NPSR1: variants seen among roughly 807,000 people sequenced by gnomAD.
NPSR1 encodes the protein neuropeptide S receptor.
In NPSR1, 48 loss-of-function variants were observed where a neutral mutation model predicts 46.9. The ratio of observed to expected loss-of-function variants is 1.02; its 90% CI spans 0.81 to 1.30. The LOEUF is 1.30. Ranked by LOEUF, NPSR1 falls within the 50% of genes most tolerant of loss-of-function variation. NPSR1 has a pLI of 0.00. For synonymous variants in NPSR1, 176 were observed against 168.1 expected, an observed-to-expected ratio of 1.05 and a Z score of -0.36; for missense variants, 450 against 449.5, an observed-to-expected ratio of 1.00 and a Z score of -0.01.
At chr7:34,683,171 C>T (rs533504462) in intron 1 of NPSR1, among the ~76,000 whole-genome samples, 4 of 152,198 alleles carry the variant, frequency 2.6e-5, no homozygotes, top group Non-Finnish European at 4.4e-5. Context: ...AGGCCAGGTG[C>T]GGTGGCTCAC....
At chr7:34,679,037 A>T (rs1481559680) in intron 1 of NPSR1, among the ~76,000 whole-genome samples, 1 of 152,188 alleles carries the variant, frequency 6.6e-6, no homozygotes, top group African/African-American at 2.4e-5. Context: ...TCTCAGTGTG[A>T]AGTCAAATTT....
intron 2 of NPSR1, among the ~76,000 whole-genome samples, chr7:34,692,619 C>T (rs977088850): frequency 6.6e-6 from 1 of 151,936 alleles, no homozygotes; most frequent in African/African-American, 2.4e-5. Context: ...AAATTAACAA[C>T]CTAACATTAC....
At chr7:34,792,734 T>TATTTA (rs58315247) in intron 3 of NPSR1, among the ~76,000 whole-genome samples, 7 of 123,286 alleles carry the variant, frequency 5.7e-5, no homozygotes, top group Non-Finnish European at 6.8e-5. Flanking sequence ...TATATATATA[T>TATTTA]TAGCCAGGCA....
intron 8 of NPSR1, among the ~76,000 whole-genome samples, chr7:34,856,979 C>T (rs1371619095): frequency 6.6e-6 from 1 of 151,464 alleles, no homozygotes; most frequent in Non-Finnish European, 1.5e-5. Context: ...TATTATAATG[C>T]CATGAAGCCA....
chr7:34,737,192 G>A (rs986528368), intron 2 of NPSR1, among the ~76,000 whole-genome samples: 1 of 152,096 alleles, frequency 6.6e-6, no homozygotes, highest in Non-Finnish European at 1.5e-5. Flanking sequence ...AACTCTCCAT[G>A]TGACAAGGTT....
chr7:34,666,069 G>T (rs117029089), intron 1 of NPSR1, among the ~76,000 whole-genome samples: 2,560 of 152,356 alleles, frequency 0.017, 34 homozygotes, highest in Non-Finnish European at 0.029. Context: ...AATTTGGGTA[G>T]ATAAAGTCTT....
chr7:34,847,136 C>T (rs375190322), intron 7 of NPSR1, among the ~76,000 whole-genome samples: 96 of 152,180 alleles, frequency 6.3e-4, no homozygotes, highest in Middle Eastern at 6.8e-3. Flanking sequence ...GGTCTGGGGT[C>T]GAGAGGGGAA....
intron 2 of NPSR1, among the ~76,000 whole-genome samples, chr7:34,694,798 C>T (rs1224169507): frequency 2.0e-5 from 3 of 152,212 alleles, no homozygotes; most frequent in African/African-American, 7.2e-5. Context: ...CAACCTACAC[C>T]TCCTGGGTTC....
chr7:34,814,826 T>C (rs1789164576), intron 4 of NPSR1, among the ~76,000 whole-genome samples: 1 of 152,210 alleles, frequency 6.6e-6, no homozygotes, highest in African/African-American at 2.4e-5. Context: ...CTGAGGGACC[T>C]GACTGTTACA....
At chr7:34,838,932 A>G (rs1790474638) in intron 6 of NPSR1, among the ~76,000 whole-genome samples, 1 of 152,230 alleles carries the variant, frequency 6.6e-6, no homozygotes, top group African/African-American at 2.4e-5. Flanking sequence ...AACTATGTCT[A>G]GCTATCATGG....
intron 2 of NPSR1, among the ~76,000 whole-genome samples, chr7:34,697,572 A>T (rs1458531): frequency 0.1 from 15,598 of 151,944 alleles, 863 homozygotes; most frequent in Middle Eastern, 0.14. Context: ...CCTCCTGTAT[A>T]CTTTAAGTCA....
chr7:34,707,955 C>T (rs558328049), intron 2 of NPSR1, among the ~76,000 whole-genome samples: 4 of 152,250 alleles, frequency 2.6e-5, no homozygotes, highest in African/African-American at 4.8e-5. Flanking sequence ...CTGTCTTCTC[C>T]GTTTTTTTCA....
chr7:34,799,578 C>G (rs560883832), intron 3 of NPSR1, among the ~76,000 whole-genome samples: 4 of 149,844 alleles, frequency 2.7e-5, no homozygotes, highest in Admixed American at 6.7e-5. Flanking sequence ...ACTAAACATG[C>G]AAAGGAACAA....
At chr7:34,789,859 C>T (rs2128742388) in intron 3 of NPSR1, among the ~76,000 whole-genome samples, 1 of 150,746 alleles carries the variant, frequency 6.6e-6, no homozygotes, top group South Asian at 2.1e-4. Context: ...CACACCAATA[C>T]TAAGGAGATT....
intron 2 of NPSR1, among the ~76,000 whole-genome samples, chr7:34,770,055 C>T (rs751007910): frequency 6.6e-6 from 1 of 152,180 alleles, no homozygotes; most frequent in Non-Finnish European, 1.5e-5. Context: ...CACTGATAGT[C>T]TACTTTCAGA....
At chr7:34,725,541 C>T (rs897274080) in intron 2 of NPSR1, among the ~76,000 whole-genome samples, 3 of 152,194 alleles carry the variant, frequency 2.0e-5, no homozygotes, top group African/African-American at 7.2e-5. Context: ...CATCCCAGAG[C>T]CTGTGCTCCC....
intron 5 of NPSR1, among the ~76,000 whole-genome samples, chr7:34,829,412 T>C (rs982748916): frequency 3.3e-5 from 5 of 152,200 alleles, no homozygotes; most frequent in Non-Finnish European, 7.3e-5. Flanking sequence ...TTTAGACAAC[T>C]ATCCAAGGTA....
intron 6 of NPSR1, among the ~76,000 whole-genome samples, chr7:34,836,687 G>A (rs1790385578): frequency 1.4e-5 from 2 of 145,204 alleles, no homozygotes; most frequent in Admixed American, 1.4e-4. Context: ...AGAGAGGGAG[G>A]GAGGGAGAAA....
At chr7:34,721,931 T>C (rs902341909) in intron 2 of NPSR1, among the ~76,000 whole-genome samples, 1 of 152,164 alleles carries the variant, frequency 6.6e-6, no homozygotes, top group Non-Finnish European at 1.5e-5. Flanking sequence ...TGGTACAATG[T>C]AGCTATAATG....
Sources: allele counts gnomAD v4.1 joint callset (sites outside exome capture counted in the v4.1 genomes callset), GRCh38; gene constraint gnomAD v4.1.1; transcripts MANE v1.5; gene names NCBI Gene and HGNC (gene_info 2026-07-23, HGNC 2026-07-21).